Variants in CRIPTO observed in about 807,000 individuals in gnomAD.
CRIPTO encodes the protein protein Cripto.
At chr3:46,578,167 T>C in the CRIPTO span, among the ~76,000 whole-genome samples, 14 of 152,350 alleles carry the variant, frequency 9.2e-5, no homozygotes, top group East Asian at 2.7e-3. Context: ...TTCACATGGT[T>C]ACTTCTAACT....
chr3:46,579,680 G>A, the CRIPTO span: 2 of 1,556,264 alleles, frequency 1.3e-6, no homozygotes, highest in Non-Finnish European at 1.8e-6. Context: ...TTCGCTTACA[G>A]GAATTGCCCT....
the CRIPTO span, among the ~76,000 whole-genome samples, chr3:46,580,827 C>T: frequency 1.3e-5 from 2 of 152,184 alleles, no homozygotes; most frequent in Admixed American, 6.5e-5. Flanking sequence ...CCAATCCAGA[C>T]AGGGATTGTG....
the CRIPTO span, among the ~76,000 whole-genome samples, chr3:46,580,397 G>A: frequency 6.6e-6 from 1 of 152,064 alleles, no homozygotes; most frequent in African/African-American, 2.4e-5. Context: ...TTTCCTTTGG[G>A]TAGGGGGACC....
chr3:46,578,902 T>A, the CRIPTO span, among the ~76,000 whole-genome samples: 1 of 152,098 alleles, frequency 6.6e-6, no homozygotes, highest in Non-Finnish European at 1.5e-5. Flanking sequence ...TTAAAAAGAC[T>A]TGGATATTGG....
the CRIPTO span, among the ~76,000 whole-genome samples, chr3:46,576,990 G>A: frequency 5.9e-5 from 9 of 152,090 alleles, no homozygotes; most frequent in African/African-American, 9.7e-5. Context: ...GGAGCTGGGA[G>A]GCTGAGATAA....
At chr3:46,580,760 T>C in the CRIPTO span, among the ~76,000 whole-genome samples, 2 of 152,140 alleles carry the variant, frequency 1.3e-5, no homozygotes, top group Non-Finnish European at 1.5e-5. Context: ...ATGGAAAATA[T>C]TCAAGTCCAG....
chr3:46,579,483 A>G, the CRIPTO span: 1 of 1,563,554 alleles, frequency 6.4e-7, no homozygotes. Context: ...CAGGTGCTGG[A>G]CTGCTTTTGG....
At chr3:46,576,684 T>A in the CRIPTO span, among the ~76,000 whole-genome samples, 1 of 152,254 alleles carries the variant, frequency 6.6e-6, no homozygotes, top group South Asian at 2.1e-4. Flanking sequence ...CGCATTTGTG[T>A]GCCTGGCAAC....
chr3:46,581,120 C>T, the CRIPTO span: 65 of 1,607,006 alleles, frequency 4.0e-5, no homozygotes, highest in South Asian at 7.7e-5. Context: ...ACCAAGCATC[C>T]CTACCTTCCA....
the CRIPTO span, chr3:46,579,471 T>G: frequency 0.04 from 63,226 of 1,581,426 alleles, 2,436 homozygotes; most frequent in East Asian, 0.16. Flanking sequence ...TCTGGAACTG[T>G]GCAGGTGCTG....
At chr3:46,579,224 T>C in the CRIPTO span, 88 of 1,614,036 alleles carry the variant, frequency 5.5e-5, no homozygotes, top group Non-Finnish European at 7.3e-5. Flanking sequence ...ATTGATTTTG[T>C]CGTTAAGGGC....
chr3:46,579,901 G>A, the CRIPTO span: 7 of 1,614,216 alleles, frequency 4.3e-6, no homozygotes, highest in Non-Finnish European at 5.9e-6. Flanking sequence ...GAGAGAAAGG[G>A]AAGTGGAAAT....
At chr3:46,578,982 A>C in the CRIPTO span, 1 of 1,217,642 alleles carries the variant, frequency 8.2e-7, no homozygotes, top group Non-Finnish European at 1.2e-6. Context: ...GTGCTCTACA[A>C]TTTCTTTTCA....
At chr3:46,580,073 TCTC>T in the CRIPTO span, 5 of 1,614,174 alleles carry the variant, frequency 3.1e-6, no homozygotes, top group Admixed American at 1.7e-5. Context: ...AAGCGGAGGT[TCTC>T]CTCTTTCTTT....
the CRIPTO span, chr3:46,580,024 C>T: frequency 1.7e-5 from 28 of 1,614,274 alleles, no homozygotes; most frequent in Non-Finnish European, 2.4e-5. Flanking sequence ...GCACGGTCAG[C>T]TCCGCTGCTT....
At chr3:46,574,748 C>T in the CRIPTO span, among the ~76,000 whole-genome samples, 1 of 152,282 alleles carries the variant, frequency 6.6e-6, no homozygotes, top group Middle Eastern at 3.4e-3. Flanking sequence ...TAAAATTGAT[C>T]CCATTCTCCA....
the CRIPTO span, among the ~76,000 whole-genome samples, chr3:46,576,435 C>A: frequency 7.6e-6 from 1 of 131,006 alleles, no homozygotes; most frequent in African/African-American, 3.0e-5. Flanking sequence ...GAGCCAAGAT[C>A]GTGCCATTGC....
chr3:46,575,506 G>T, the CRIPTO span, among the ~76,000 whole-genome samples: 1 of 152,116 alleles, frequency 6.6e-6, no homozygotes, highest in African/African-American at 2.4e-5. Flanking sequence ...ATCTCTTCAG[G>T]GGGTTCTGGT....
At chr3:46,577,831 TG>T in the CRIPTO span, 1 of 999,024 alleles carries the variant, frequency 1.0e-6, no homozygotes, top group Non-Finnish European at 1.6e-6. Context: ...TACGACCTTC[TG>T]GGGAAAACGA....
Sources: allele counts gnomAD v4.1 joint callset (sites outside exome capture counted in the v4.1 genomes callset), GRCh38; gene constraint gnomAD v4.1.1; transcripts MANE v1.5; gene names NCBI Gene and HGNC (gene_info 2026-07-23, HGNC 2026-07-21).